The following CNIH3 variants were observed in gnomAD, a reference collection of about 807,000 sequenced individuals.
The protein encoded by CNIH3 is cornichon family AMPA receptor auxiliary protein 3, also known as protein cornichon homolog 3.
Under a neutral mutation model 24.1 loss-of-function variants are expected in CNIH3, and 14 were observed. The observed-to-expected ratio is 0.58, with a 90% CI of 0.38 to 0.91. CNIH3 has a LOEUF of 0.91. Among genes scored for constraint, CNIH3 ranks in the 40% least tolerant of loss-of-function variants. The probability of loss-of-function intolerance (pLI) is 0.00; values close to 1 mark genes in which losing one functional copy is unlikely to be tolerated. For missense variants in CNIH3, 178 were observed against 196.8 expected (o/e 0.90, Z 0.57); for synonymous variants, 68 against 73.8 (o/e 0.92, Z 0.40).
intron 3 of CNIH3, chr1:224,565,316 G>A (rs777764421): frequency 6.6e-6 from 1 of 152,218 alleles, no homozygotes; most frequent in Non-Finnish European, 1.5e-5. Flanking sequence ...CTGGCATTGT[G>A]TCTGCAACCA....
rs532338541 is a variant in CNIH3 at position 224,616,737 on chromosome 1, C to G, written c.-438C>G. The G allele has an allele frequency of 3.0e-6, 3 of 1,001,480 alleles. No individual in the cohort carries two copies. Among genetic ancestry groups the G allele is most frequent in the Non-Finnish European group, 3.6e-6 (3 of 840,816 alleles). The allele number at this position is 1,001,480 out of a possible 1,614,324, so 62.0% of individuals were successfully genotyped here. ...GCGGGAGGGTCCGGAGCGGAGCGCT[C>G]GTCTCTCCTCAGCGGTTTAGTGGAG... is the stretch of plus-strand genomic sequence containing the variant. On this transcript the variant is annotated 5_prime_UTR_variant, in exon 1 of 6. Transcript: ENST00000272133.
intron 3 of CNIH3, among the ~76,000 whole-genome samples, chr1:224,595,646 G>A (rs1301896532): frequency 1.3e-5 from 2 of 152,196 alleles, no homozygotes; most frequent in Non-Finnish European, 2.9e-5. Context: ...AAGGCATATC[G>A]AAAGTCGAGA....
intron 1 of CNIH3, among the ~76,000 whole-genome samples, chr1:224,441,058 C>T (rs965385893): frequency 3.3e-5 from 5 of 152,058 alleles, no homozygotes; most frequent in Admixed American, 1.3e-4. Flanking sequence ...CCTCATGATC[C>T]GCCCCCCTCG....
intron 1 of CNIH3, among the ~76,000 whole-genome samples, chr1:224,619,566 G>T (rs1043203222): frequency 1.8e-4 from 28 of 152,020 alleles, no homozygotes; most frequent in African/African-American, 6.3e-4. Context: ...ACACTGATTT[G>T]GTTCCTGAAC....
intron 1 of CNIH3, among the ~76,000 whole-genome samples, chr1:224,680,147 C>T (rs762937455): frequency 2.0e-5 from 3 of 152,180 alleles, no homozygotes; most frequent in Non-Finnish European, 2.9e-5. Context: ...AAGGCTTCCA[C>T]ACCCTAAGAA....
At chr1:224,511,126 C>T (rs1373547708), upstream of CNIH3, among the ~76,000 whole-genome samples, 1 of 152,190 alleles carries the variant, frequency 6.6e-6, no homozygotes, top group Non-Finnish European at 1.5e-5. Flanking sequence ...CAGTATATCA[C>T]GAGAAGAATG....
At chr1:224,625,862 GCA>G (rs1456707124) in intron 1 of CNIH3, among the ~76,000 whole-genome samples, 1 of 152,178 alleles carries the variant, frequency 6.6e-6, no homozygotes, top group Non-Finnish European at 1.5e-5. Flanking sequence ...GCAGGGGGCT[GCA>G]CGCTAGTCTC....
chr1:224,739,579 C>T lies in CNIH3; in HGVS notation c.*223C>T. 2 of 780,760 alleles carry T rather than the reference C, an allele frequency of 2.6e-6. No individual in the cohort carries two copies. The highest frequency in any genetic ancestry group is 1.8e-5 in the African/African-American group (1 of 56,710). 48.4% of individuals were successfully genotyped at this position (780,760 alleles called of 1,614,324 possible). ...TTTGTCAATCTTTGGCATTCGAATTCCACACACGGGGTCCTAGAGCCCTTC... is the reference window on the plus strand; with the variant it reads ...TTTGTCAATCTTTGGCATTCGAATTTCACACACGGGGTCCTAGAGCCCTTC... On this transcript the variant is annotated 3_prime_UTR_variant, in exon 6 of 6. Transcript: ENST00000272133.
At chr1:224,676,771 G>C (rs1011134005) in intron 1 of CNIH3, among the ~76,000 whole-genome samples, 1 of 152,198 alleles carries the variant, frequency 6.6e-6, no homozygotes, top group Non-Finnish European at 1.5e-5. Flanking sequence ...ATAGAAGTCT[G>C]CCACATGCAA....
chr1:224,609,724 G>A (rs114066359), intron 3 of CNIH3, among the ~76,000 whole-genome samples: 86 of 152,290 alleles, frequency 5.6e-4, no homozygotes, highest in South Asian at 2.3e-3. Flanking sequence ...TGAGTGATGG[G>A]GCAAGAGGAG....
chr1:224,644,586 A>G (rs926002806), intron 1 of CNIH3, among the ~76,000 whole-genome samples: 2 of 152,218 alleles, frequency 1.3e-5, no homozygotes, highest in Admixed American at 6.5e-5. Flanking sequence ...AAGCATCCCT[A>G]TGACCCTTAT....
chr1:224,562,548 TC>T (rs1680414508), intron 3 of CNIH3, among the ~76,000 whole-genome samples: 2 of 152,028 alleles, frequency 1.3e-5, no homozygotes, highest in Non-Finnish European at 1.5e-5. Flanking sequence ...TGGATATTTG[TC>T]CCCCCAAATC....
chr1:224,554,928 A>G (rs1005378916), intron 3 of CNIH3, among the ~76,000 whole-genome samples: 1 of 152,184 alleles, frequency 6.6e-6, no homozygotes, highest in Non-Finnish European at 1.5e-5. Flanking sequence ...CAGGTATTGT[A>G]AGTAATCTAG....
chr1:224,501,507 A>G (rs1677664305), intron 1 of CNIH3, among the ~76,000 whole-genome samples: 1 of 116,970 alleles, frequency 8.5e-6, no homozygotes, highest in Non-Finnish European at 1.9e-5. Context: ...GCTTGAACCT[A>G]TATATATATA....
At chr1:224,473,400 A>G (rs1468436254) in intron 1 of CNIH3, among the ~76,000 whole-genome samples, 4 of 152,198 alleles carry the variant, frequency 2.6e-5, no homozygotes, top group African/African-American at 9.6e-5. Context: ...ATGGATTAAA[A>G]ACAAAACAAA....
At chr1:224,692,164 C>T (rs1019329241) in intron 3 of CNIH3, among the ~76,000 whole-genome samples, 7 of 152,018 alleles carry the variant, frequency 4.6e-5, no homozygotes, top group East Asian at 1.9e-4. Context: ...TAGCCAGGCA[C>T]GGTGGTGCAC....
intron 3 of CNIH3, among the ~76,000 whole-genome samples, chr1:224,690,134 T>C (rs1487700918): frequency 6.6e-6 from 1 of 152,204 alleles, no homozygotes; most frequent in African/African-American, 2.4e-5. Flanking sequence ...TCATCAGTGG[T>C]AGTCATCAAA....
chr1:224,696,557 G>T (rs781746794), intron 3 of CNIH3, among the ~76,000 whole-genome samples: 3 of 152,206 alleles, frequency 2.0e-5, no homozygotes, highest in Non-Finnish European at 4.4e-5. Flanking sequence ...AGGTGGGAGA[G>T]GAGCAAGACG....
chr1:224,597,672 C>T (rs1461551577), intron 3 of CNIH3, among the ~76,000 whole-genome samples: 1 of 152,130 alleles, frequency 6.6e-6, no homozygotes, highest in Non-Finnish European at 1.5e-5. Context: ...CATCCCTTCC[C>T]CCATACCTTC....
Sources: gnomAD v4.1 joint callset for allele counts (sites outside exome capture counted in the v4.1 genomes callset) on GRCh38, gnomAD v4.1.1 for gene constraint, MANE v1.5 for transcripts, NCBI Gene and HGNC (gene_info 2026-07-23, HGNC 2026-07-21) for gene names.